The following TGM6 variants were observed in gnomAD, a reference collection of about 807,000 sequenced individuals.
The protein encoded by TGM6 is transglutaminase 6.
A neutral mutation model predicts 77.5 loss-of-function variants in TGM6; 74 were observed. That is an observed-to-expected ratio of 0.96 (90% CI 0.79 to 1.16). The LOEUF (loss-of-function observed/expected upper bound fraction) is 1.16, where lower values mean the gene tolerates loss of function less well. Ranked by LOEUF, TGM6 falls within the 50% of genes most tolerant of loss-of-function variation. The pLI, the probability that TGM6 is intolerant of heterozygous loss-of-function variation, is 0.00. For missense variants in TGM6, 968 were observed against 940.2 expected (o/e 1.03, Z -0.39); for synonymous variants, 383 against 378.9 (o/e 1.01, Z -0.12).
intron 7 of TGM6, among the ~76,000 whole-genome samples, chr20:2,402,465 A>T (rs2084717796): frequency 6.6e-6 from 1 of 151,976 alleles, no homozygotes; most frequent in Admixed American, 6.5e-5. Context: ...AAATACTCGC[A>T]TTCTTCTCTT....
chr20:2,424,369 C>G (rs1176301386), intron 10 of TGM6, among the ~76,000 whole-genome samples: 1 of 152,224 alleles, frequency 6.6e-6, no homozygotes, highest in Non-Finnish European at 1.5e-5. Flanking sequence ...TACATCAGCA[C>G]TTGTTGCTTC....
rs756051299 is a variant in TGM6, at chr20:2,403,620, G to T, written c.1133G>T (p.Arg378Leu). ...RCGPASVTAI[R>L]EGDVHLAHDG... ...GGCCCAGCCTCAGTCACCGCCATCC[G>T]CGAGGGTGATGTGCACCTGGCTCAC... Residue 378 changes from arginine to leucine, a missense_variant, in exon 9 of 13, where the codon CGC becomes CTC. Transcript: ENST00000202625. 5.0e-6 allele frequency: 8 copies of T among 1,614,004 alleles called. No homozygotes were observed. In the Admixed American group the frequency reaches 6.7e-5, roughly 13 times the overall value.
chr20:2,399,821 T>G, intron 6 of TGM6, 83 bp downstream of exon 6: 1 of 1,235,878 alleles, frequency 8.1e-7, no homozygotes, highest in Non-Finnish European at 1.1e-6. Flanking sequence ...TTGCATATGC[T>G]GCAACCCATC....
intron 7 of TGM6, among the ~76,000 whole-genome samples, chr20:2,403,079 T>G (rs2084722187): frequency 6.6e-6 from 1 of 152,224 alleles, no homozygotes; most frequent in African/African-American, 2.4e-5. Flanking sequence ...TTTGTTTGAT[T>G]TATCTGCTGA....
chr20:2,390,196 G>A (rs2084621370), intron 1 of TGM6, among the ~76,000 whole-genome samples: 1 of 152,132 alleles, frequency 6.6e-6, no homozygotes, highest in African/African-American at 2.4e-5. Flanking sequence ...GTACTGATGT[G>A]TTCCTGGTGG....
At chr20:2,406,864 A>C (rs2084756025) in intron 9 of TGM6, among the ~76,000 whole-genome samples, 1 of 142,056 alleles carries the variant, frequency 7.0e-6, no homozygotes, top group Admixed American at 7.0e-5. Flanking sequence ...AAAAAAAAAA[A>C]AACCATGGCC....
Position 2,396,511 on chromosome 20 carries a change from G to T in TGM6, c.430G>T (p.Asp144Tyr), listed in dbSNP as rs143085842. The part of the protein sequence containing the change: ...LLFNPWCAED[D>Y]VFLASEEERQ... ...GCCTGATGACTGCTTTTCAGAGGAC[G>T]ATGTGTTTCTGGCCTCAGAGGAGGA... The change falls in exon 4 of 13, where the codon GAT becomes TAT. Residue 144 changes from aspartate to tyrosine, a missense_variant. Asp to Tyr is a radical substitution (Grantham distance 160). Transcript: ENST00000202625. 39 of 1,614,058 alleles carry T rather than the reference G, an allele frequency of 2.4e-5. No homozygotes were observed. In the African/African-American group the frequency reaches 4.9e-4, roughly 20 times the overall value.
intron 1 of TGM6, among the ~76,000 whole-genome samples, chr20:2,384,884 C>T (rs886956403): frequency 4.6e-5 from 7 of 152,196 alleles, no homozygotes; most frequent in Middle Eastern, 3.4e-3. Context: ...CTGGGGTTGG[C>T]GAGCCTTTAG....
intron 1 of TGM6, among the ~76,000 whole-genome samples, chr20:2,393,449 T>C (rs963282136): frequency 1.3e-5 from 2 of 152,212 alleles, no homozygotes; most frequent in African/African-American, 4.8e-5. Flanking sequence ...ACACTAAAAA[T>C]ATGTGTTAGG....
At chr20:2,418,153 C>T (rs1172463946) in intron 10 of TGM6, among the ~76,000 whole-genome samples, 1 of 152,138 alleles carries the variant, frequency 6.6e-6, no homozygotes, top group Non-Finnish European at 1.5e-5. Flanking sequence ...GCTGGGACTA[C>T]AGGCGTGCAC....
At chr20:2,394,184 C>T (rs1162684214) in intron 1 of TGM6, among the ~76,000 whole-genome samples, 3 of 152,132 alleles carry the variant, frequency 2.0e-5, no homozygotes, top group Non-Finnish European at 2.9e-5. Flanking sequence ...GTTCCAGCTA[C>T]TCGGGAGGCT....
At chr20:2,383,967 C>T (rs1471226459) in intron 1 of TGM6, among the ~76,000 whole-genome samples, 1 of 151,956 alleles carries the variant, frequency 6.6e-6, no homozygotes, top group Non-Finnish European at 1.5e-5. Flanking sequence ...ATTAGCCGGG[C>T]ATGGTGGTGG....
chr20:2,411,495 T>G (rs2084783870), intron 9 of TGM6, among the ~76,000 whole-genome samples: 1 of 151,896 alleles, frequency 6.6e-6, no homozygotes, highest in Non-Finnish European at 1.5e-5. Context: ...AGAAGTAAAC[T>G]TCCTCAGTCT....
chr20:2,425,048 C>G (rs1291874049), intron 10 of TGM6, among the ~76,000 whole-genome samples: 1 of 152,116 alleles, frequency 6.6e-6, no homozygotes, highest in Non-Finnish European at 1.5e-5. Context: ...GATCACTGAT[C>G]AAGGGCTGGG....
At chr20:2,394,844 C>T (rs1330227396) in intron 2 of TGM6, among the ~76,000 whole-genome samples, 2 of 152,180 alleles carry the variant, frequency 1.3e-5, no homozygotes, top group Non-Finnish European at 2.9e-5. Context: ...GATGACCTCT[C>T]TGGAACCCTG....
At chr20:2,412,920 A>T (rs896319578) in intron 9 of TGM6, among the ~76,000 whole-genome samples, 2 of 152,212 alleles carry the variant, frequency 1.3e-5, no homozygotes, top group African/African-American at 4.8e-5. Flanking sequence ...CATTGATCGA[A>T]AGGGTTTATA....
intron 9 of TGM6, among the ~76,000 whole-genome samples, chr20:2,414,735 C>T (rs1325606682): frequency 3.3e-5 from 5 of 152,188 alleles, no homozygotes; most frequent in Admixed American, 3.3e-4. Context: ...GAACGCAGTA[C>T]TGATACATGC....
intron 10 of TGM6, among the ~76,000 whole-genome samples, chr20:2,421,830 T>C (rs1171609887): frequency 7.9e-5 from 12 of 152,144 alleles, no homozygotes; most frequent in Admixed American, 7.9e-4. Flanking sequence ...GCCTTTGGTA[T>C]TGTATCAAAA....
intron 10 of TGM6, among the ~76,000 whole-genome samples, chr20:2,428,913 T>C (rs2084906185): frequency 6.6e-6 from 1 of 152,152 alleles, no homozygotes; most frequent in African/African-American, 2.4e-5. Context: ...AACCTCCGCC[T>C]GCTAGGTTCA....
Sources: gnomAD v4.1 joint callset for allele counts (sites outside exome capture counted in the v4.1 genomes callset) on GRCh38, gnomAD v4.1.1 for gene constraint, MANE v1.5 for transcripts, NCBI Gene and HGNC (gene_info 2026-07-23, HGNC 2026-07-21) for gene names.